ADGRB3: variants seen among roughly 807,000 people sequenced by gnomAD.
ADGRB3 encodes brain-specific angiogenesis inhibitor 3.
ADGRB3 carries 37 observed loss-of-function variants against 193.4 expected under a neutral mutation model. That is an observed-to-expected ratio of 0.19 (90% CI 0.15 to 0.25). The LOEUF is 0.25. ADGRB3 is among the 10% of genes least tolerant of loss of function. The pLI is 1.00. For synonymous variants in ADGRB3, 690 were observed against 644.2 expected (o/e 1.07, Z -1.08); for missense variants, 1,637 against 1,852.9 (o/e 0.88, Z 2.14).
intron 20 of ADGRB3, among the ~76,000 whole-genome samples, chr6:69,263,865 G>C (rs1169392149): frequency 6.6e-6 from 1 of 151,974 alleles, no homozygotes; most frequent in African/African-American, 2.4e-5. Flanking sequence ...AGCAAATACA[G>C]TGATTAGCAG....
intron 3 of ADGRB3, among the ~76,000 whole-genome samples, chr6:68,823,463 A>G (rs546118856): frequency 1.3e-5 from 2 of 152,184 alleles, no homozygotes; most frequent in South Asian, 4.1e-4. Flanking sequence ...ATTATTTATT[A>G]TAACAATGTA....
Position 69,324,817 on chromosome 6 carries a change from T to TCATTTTCC in ADGRB3, c.2815-53_2815-46dup, listed in dbSNP as rs1237745830. On this transcript the variant is annotated intron_variant, in intron 20 of 31. Coordinates refer to ENST00000370598, the MANE Select transcript of ADGRB3 (RefSeq NM_001704.3). ...GATTAACAATCCCCTGAAGAACATATCATTTTCCCTCTCCCAGGTTCAGTG... is the reference window on the plus strand; with the variant it reads ...GATTAACAATCCCCTGAAGAACATATCATTTTCCCATTTTCCCTCTCCCAGGTTCAGTG... 7.6e-6 allele frequency: 12 copies of TCATTTTCC among 1,577,832 alleles called. No individual in the cohort carries two copies. The African/African-American group carries it at 1.4e-4, about 18-fold the overall frequency.
intron 8 of ADGRB3, among the ~76,000 whole-genome samples, chr6:68,959,156 G>T (rs1554227985): frequency 6.6e-6 from 1 of 151,836 alleles, no homozygotes; most frequent in Non-Finnish European, 1.5e-5. Flanking sequence ...TATTGTACTT[G>T]ATTTATATAC....
chr6:68,902,663 C>CTATAACCCTATATATATATATATA (rs1766430033), intron 3 of ADGRB3, among the ~76,000 whole-genome samples: 1 of 151,898 alleles, frequency 6.6e-6, no homozygotes, highest in African/African-American at 2.4e-5. Flanking sequence ...CTTATAGGGA[C>CTATAACCCTATATATATATATATA]TATAACTAGC....
intron 3 of ADGRB3, among the ~76,000 whole-genome samples, chr6:68,896,510 C>T (rs1425765710): frequency 6.6e-6 from 1 of 152,034 alleles, no homozygotes; most frequent in Non-Finnish European, 1.5e-5. Flanking sequence ...TAGTAAAAAT[C>T]CAGTTCTTCT....
intron 3 of ADGRB3, among the ~76,000 whole-genome samples, chr6:68,684,102 C>T (rs937937207): frequency 1.3e-5 from 2 of 152,110 alleles, no homozygotes; most frequent in Admixed American, 6.6e-5. Flanking sequence ...GCAACAGACA[C>T]GGTATAAATC....
chr6:68,828,060 A>G (rs1464545840), intron 3 of ADGRB3, among the ~76,000 whole-genome samples: 1 of 152,212 alleles, frequency 6.6e-6, no homozygotes, highest in Non-Finnish European at 1.5e-5. Flanking sequence ...CAAAACGCAC[A>G]TAGTATACAC....
At chr6:69,345,803 G>A (rs1769071792) in intron 26 of ADGRB3, among the ~76,000 whole-genome samples, 1 of 152,172 alleles carries the variant, frequency 6.6e-6, no homozygotes, top group Non-Finnish European at 1.5e-5. Flanking sequence ...CAGGAAGAGA[G>A]GAAGTCAAAT....
At chr6:68,958,501 C>T (rs1768140595) in intron 8 of ADGRB3, among the ~76,000 whole-genome samples, 1 of 152,132 alleles carries the variant, frequency 6.6e-6, no homozygotes, top group Non-Finnish European at 1.5e-5. Flanking sequence ...AATTGTCTTT[C>T]ATCTGCACAT....
chr6:69,366,804 A>G (rs1302671865), intron 29 of ADGRB3, among the ~76,000 whole-genome samples: 1 of 152,142 alleles, frequency 6.6e-6, no homozygotes, highest in African/African-American at 2.4e-5. Flanking sequence ...TCTTTTGAAC[A>G]CTTTTGGCTG....
intron 3 of ADGRB3, among the ~76,000 whole-genome samples, chr6:68,912,232 G>T (rs1345527935): frequency 1.3e-5 from 2 of 151,784 alleles, no homozygotes; most frequent in Admixed American, 1.3e-4. Context: ...TTTGTGGAAT[G>T]AATATATAAA....
chr6:69,261,015 A>G (rs1410001919), intron 20 of ADGRB3, among the ~76,000 whole-genome samples: 2 of 152,186 alleles, frequency 1.3e-5, no homozygotes, highest in South Asian at 2.1e-4. Context: ...TTCTAAAATC[A>G]TAGCAGTTCA....
chr6:69,153,825 C>G (rs1434073919), intron 17 of ADGRB3, among the ~76,000 whole-genome samples: 1 of 152,096 alleles, frequency 6.6e-6, no homozygotes, highest in East Asian at 1.9e-4. Flanking sequence ...AACCCCATCT[C>G]TACTAAAAAT....
chr6:68,761,505 T>C (rs1766393701), intron 3 of ADGRB3, among the ~76,000 whole-genome samples: 1 of 151,390 alleles, frequency 6.6e-6, no homozygotes, highest in Non-Finnish European at 1.5e-5. Flanking sequence ...TTTGGTGTCC[T>C]CTGCAGGCTT....
chr6:69,263,337 A>C (rs894834064), intron 20 of ADGRB3, among the ~76,000 whole-genome samples: 2 of 152,050 alleles, frequency 1.3e-5, no homozygotes, highest in Non-Finnish European at 2.9e-5. Flanking sequence ...TGATACAGAA[A>C]ATTTCTCTCA....
At chr6:69,003,946 C>A (rs1769663687) in intron 11 of ADGRB3, among the ~76,000 whole-genome samples, 1 of 152,016 alleles carries the variant, frequency 6.6e-6, no homozygotes, top group Non-Finnish European at 1.5e-5. Flanking sequence ...TGGTAAATGC[C>A]ATGTGCAGTA....
At chr6:68,846,093 T>C (rs497728) in intron 3 of ADGRB3, among the ~76,000 whole-genome samples, 32,649 of 152,080 alleles carry the variant, frequency 0.21, 4,056 homozygotes, top group East Asian at 0.58. Context: ...ACTCTTGCTA[T>C]GTTTTAGCAA....
intron 17 of ADGRB3, among the ~76,000 whole-genome samples, chr6:69,172,560 C>A (rs904821629): frequency 7.6e-6 from 1 of 130,780 alleles, no homozygotes; most frequent in African/African-American, 2.9e-5. Flanking sequence ...AGAAGAATGG[C>A]GTGAACCTGG....
chr6:68,960,068 A>T (rs1308941031), intron 8 of ADGRB3, among the ~76,000 whole-genome samples: 2 of 152,196 alleles, frequency 1.3e-5, no homozygotes, highest in Non-Finnish European at 1.5e-5. Context: ...CTAAGTTTAC[A>T]TTCTAGCTTC....
Sources: gnomAD v4.1 joint callset for allele counts (sites outside exome capture counted in the v4.1 genomes callset) on GRCh38, gnomAD v4.1.1 for gene constraint, MANE v1.5 for transcripts, NCBI Gene and HGNC (gene_info 2026-07-23, HGNC 2026-07-21) for gene names.